MECOM: variants seen among roughly 807,000 people sequenced by gnomAD.
MECOM encodes the protein histone-lysine N-methyltransferase MECOM.
Under a neutral mutation model 116.3 loss-of-function variants are expected in MECOM, and 13 were observed. The observed-to-expected ratio is 0.11, with a 90% CI of 0.07 to 0.18. The LOEUF is 0.18. Ranked by LOEUF, MECOM falls within the 10% of genes least tolerant of loss-of-function variation. The pLI is 1.00. For missense variants in MECOM, 1,299 were observed against 1,509.0 expected (o/e 0.86, Z 2.31); for synonymous variants, 528 against 535.2 (o/e 0.99, Z 0.19).
chr3:169,441,717 CT>C (rs1743709020), intron 1 of MECOM, among the ~76,000 whole-genome samples: 1 of 141,356 alleles, frequency 7.1e-6, no homozygotes. Context: ...TGTTACACTT[CT>C]TCTTCTCTTC....
At chr3:169,362,444 C>T (rs1728461148) in intron 2 of MECOM, among the ~76,000 whole-genome samples, 1 of 151,814 alleles carries the variant, frequency 6.6e-6, no homozygotes, top group Non-Finnish European at 1.5e-5. Flanking sequence ...GGCACCCAGC[C>T]CAGTTTTCAT....
chr3:169,204,771 AAG>A (rs1457704130), intron 2 of MECOM, among the ~76,000 whole-genome samples: 7 of 152,208 alleles, frequency 4.6e-5, no homozygotes, highest in Non-Finnish European at 1.0e-4. Flanking sequence ...GAAAGAAAAA[AAG>A]AGTTACAAGT....
chr3:169,146,829 C>T lies in MECOM; in HGVS notation c.376-2997G>A, dbSNP rs542588555. 1.8e-4 allele frequency: 199 copies of T among 1,082,178 alleles called. 3 individuals carry two copies. The South Asian group carries it at 4.9e-3, about 27-fold the overall frequency. 67.0% of individuals were successfully genotyped at this position (1,082,178 alleles called of 1,614,324 possible). A position where few individuals can be genotyped will look rare whatever the true frequency, so the allele number is the denominator to read the frequency against. ...CCCCCAACGCTCCTGCACGAAAATCCTTTCAAACGATCCCGAGCAACATTT... is the reference window on the plus strand; with the variant it reads ...CCCCCAACGCTCCTGCACGAAAATCTTTTCAAACGATCCCGAGCAACATTT... On this transcript the variant is annotated intron_variant, in intron 2 of 16. Transcript: ENST00000651503.
At position 169,377,757 on chromosome 3, in the gene MECOM, G is replaced by A. The variant is rs140461931; in HGVS notation, c.375+3430C>T. Among the ~76,000 whole-genome samples, 590 of 152,102 alleles carry A rather than the reference G, an allele frequency of 3.9e-3. 2 individuals are homozygous for A. The highest frequency in any genetic ancestry group is 0.011 in the African/African-American group (467 of 41,512). On this transcript the variant is annotated intron_variant, in intron 2 of 16. Coordinates refer to ENST00000651503, the MANE Select transcript of MECOM (RefSeq NM_004991.4). ...AATTAGTTCGACCATTGTGGAAGAC[G>A]GTGTGGCGATTCCTCAAGTATCTAG...
chr3:169,228,952 T>C (rs1381515952), intron 2 of MECOM, among the ~76,000 whole-genome samples: 1 of 152,318 alleles, frequency 6.6e-6, no homozygotes, highest in South Asian at 2.1e-4. Flanking sequence ...GTGATAACAA[T>C]GGACACAGTG....
chr3:169,522,186 C>T (rs987535769), intron 1 of MECOM, among the ~76,000 whole-genome samples: 3 of 152,132 alleles, frequency 2.0e-5, no homozygotes, highest in Admixed American at 6.5e-5. Context: ...CATCCTTACT[C>T]AATCATGTAG....
At chr3:169,372,622 G>A (rs924638810) in intron 2 of MECOM, among the ~76,000 whole-genome samples, 1 of 151,874 alleles carries the variant, frequency 6.6e-6, no homozygotes, top group African/African-American at 2.4e-5. Context: ...AAAATCAATC[G>A]ATAAAATATA....
intron 1 of MECOM, among the ~76,000 whole-genome samples, chr3:169,428,937 A>G (rs1424763680): frequency 1.3e-5 from 2 of 152,210 alleles, no homozygotes; most frequent in African/African-American, 4.8e-5. Flanking sequence ...TCTGTCTTCA[A>G]GAAGCTCATA....
Position 169,116,645 on chromosome 3 carries a change from G to T in MECOM, c.1227C>A (p.Asp409Glu), listed in dbSNP as rs1190643026. ...ADCRTQIKCK[D>E]CGQMFSTTSS... ...ACGTAGTGCTGAACATTTGTCCACA[G>T]TCTTTGCACTTGATTTGGGTTCTGC... The change falls in exon 8 of 17, where the codon GAC (aspartate) becomes GAA (glutamate). Residue 409 changes from aspartate to glutamate, a missense_variant. Around this residue, in one of 6 missense-constraint regions of MECOM, gnomAD observed 42 missense variants for 103.9 expected, o/e 0.40. Transcript: ENST00000651503. The T allele has an allele frequency of 6.2e-7, 1 of 1,614,016 alleles. No homozygotes were observed. The highest frequency in any genetic ancestry group is 1.3e-5 in the African/African-American group (1 of 74,900).
intron 1 of MECOM, among the ~76,000 whole-genome samples, chr3:169,560,352 G>A (rs1275339249): frequency 1.1e-4 from 17 of 152,130 alleles, no homozygotes; most frequent in Non-Finnish European, 2.9e-5. Context: ...TGCCAAAGGT[G>A]ACTTAGATAC....
rs79236981 is a variant in MECOM, at chr3:169,265,632, G to T, written c.375+115555C>A. ...AGAGCTGGGAACCCATAGGCCACTG[G>T]CCAGCCTTGAGCACAATGGAACACT... is the stretch of plus-strand genomic sequence containing the variant. On this transcript the variant is annotated intron_variant, in intron 2 of 16. Coordinates refer to ENST00000651503, the MANE Select transcript of MECOM (RefSeq NM_004991.4). Among the ~76,000 whole-genome samples the T allele has an allele frequency of 2.8e-4, 42 of 152,258 alleles. No individual in the cohort carries two copies. In the East Asian group the frequency reaches 7.7e-3, roughly 28 times the overall value.
At chr3:169,154,533 T>A (rs1025069993) in intron 2 of MECOM, among the ~76,000 whole-genome samples, 2 of 152,200 alleles carry the variant, frequency 1.3e-5, no homozygotes, top group Middle Eastern at 3.2e-3. Flanking sequence ...TCCTGCCAGA[T>A]CCTCTGACCA....
At chr3:169,358,019 G>A (rs192120163) in intron 2 of MECOM, among the ~76,000 whole-genome samples, 16 of 151,686 alleles carry the variant, frequency 1.1e-4, no homozygotes, top group African/African-American at 2.2e-4. Context: ...CTTTACCAGC[G>A]CCTTATGTAA....
At chr3:169,327,537 C>T (rs1185213451) in intron 2 of MECOM, among the ~76,000 whole-genome samples, 3 of 149,210 alleles carry the variant, frequency 2.0e-5, no homozygotes, top group Non-Finnish European at 4.4e-5. Context: ...ACTCGGGAGG[C>T]TGAGGCGGGA....
intron 1 of MECOM, among the ~76,000 whole-genome samples, chr3:169,550,486 T>C (rs1761238292): frequency 6.6e-6 from 1 of 152,232 alleles, no homozygotes; most frequent in African/African-American, 2.4e-5. Flanking sequence ...TGAGAGCTTC[T>C]AGTGAAGTAA....
intron 2 of MECOM, among the ~76,000 whole-genome samples, chr3:169,352,791 C>T (rs764808858): frequency 2.0e-5 from 3 of 151,862 alleles, no homozygotes; most frequent in African/African-American, 7.2e-5. Flanking sequence ...AATCATTTCA[C>T]CAACATTTTT....
chr3:169,170,497 T>C (rs1209460906), intron 2 of MECOM, among the ~76,000 whole-genome samples: 2 of 152,066 alleles, frequency 1.3e-5, no homozygotes, highest in Non-Finnish European at 2.9e-5. Context: ...TGTACTTAAT[T>C]GTAGCAAGTC....
chr3:169,312,394 A>C (rs1577678274), intron 2 of MECOM, among the ~76,000 whole-genome samples: 1 of 107,996 alleles, frequency 9.3e-6, no homozygotes, highest in South Asian at 2.9e-4. Context: ...TTTGAGTTGG[A>C]GCCTCACTCT....
intron 2 of MECOM, among the ~76,000 whole-genome samples, chr3:169,370,221 A>G (rs1348672649): frequency 6.6e-6 from 1 of 152,026 alleles, no homozygotes. Flanking sequence ...AAAGCCACAC[A>G]TATACAGCCA....
Sources: gnomAD v4.1 joint callset for allele counts (sites outside exome capture counted in the v4.1 genomes callset) on GRCh38, gnomAD v4.1.1 for gene constraint, gnomAD v4.1.1 regional missense constraint, MANE v1.5 for transcripts, NCBI Gene and HGNC (gene_info 2026-07-23, HGNC 2026-07-21) for gene names.